The following WDR70 variants were observed in gnomAD, a reference collection of about 807,000 sequenced individuals.
WDR70 encodes WD repeat-containing protein 70.
WDR70 carries 53 observed loss-of-function variants against 88.6 expected under a neutral mutation model. The observed-to-expected ratio is 0.60, with a 90% CI of 0.48 to 0.75. The LOEUF (loss-of-function observed/expected upper bound fraction) is 0.75, where lower values mean the gene tolerates loss of function less well. WDR70 is among the 30% of genes least tolerant of loss of function. WDR70 has a pLI of 0.00. For missense variants in WDR70, 610 were observed against 823.2 expected, an observed-to-expected ratio of 0.74 and a Z score of 3.17; for synonymous variants, 280 against 270.0, an observed-to-expected ratio of 1.04 and a Z score of -0.36.
chr5:37,444,332 T>TTC (rs1394396585), intron 7 of WDR70, among the ~76,000 whole-genome samples: 3 of 81,992 alleles, frequency 3.7e-5, no homozygotes, highest in African/African-American at 6.4e-5. Flanking sequence ...GAGCCAGCCT[T>TTC]TCTCTTTTTT....
intron 5 of WDR70, among the ~76,000 whole-genome samples, chr5:37,416,240 A>G (rs1430414845): frequency 2.0e-5 from 3 of 152,226 alleles, no homozygotes; most frequent in African/African-American, 7.2e-5. Context: ...TGAGTGAACG[A>G]GACTCCGTCT....
At chr5:37,387,643 A>G (rs1157655569) in intron 3 of WDR70, among the ~76,000 whole-genome samples, 3 of 95,628 alleles carry the variant, frequency 3.1e-5, no homozygotes, top group Admixed American at 1.2e-4. Context: ...GAAGTTATTC[A>G]TAAGAGTTTT....
intron 9 of WDR70, among the ~76,000 whole-genome samples, chr5:37,525,323 A>T (rs369888686): frequency 1.3e-5 from 2 of 152,252 alleles, no homozygotes; most frequent in African/African-American, 4.8e-5. Flanking sequence ...GGATTAAGAA[A>T]CTCACTCAAA....
chr5:37,535,574 T>C (rs1224437480), intron 9 of WDR70, among the ~76,000 whole-genome samples: 1 of 152,168 alleles, frequency 6.6e-6, no homozygotes, highest in African/African-American at 2.4e-5. Context: ...CTCTTGCTCC[T>C]CTCTGGAAGT....
intron 9 of WDR70, among the ~76,000 whole-genome samples, chr5:37,598,477 C>A (rs1743766956): frequency 6.6e-6 from 1 of 152,152 alleles, no homozygotes; most frequent in Non-Finnish European, 1.5e-5. Flanking sequence ...GTCTTTTCTG[C>A]TCTTCTTCAT....
At chr5:37,523,015 A>T (rs550822614) in intron 9 of WDR70, among the ~76,000 whole-genome samples, 30 of 152,326 alleles carry the variant, frequency 2.0e-4, no homozygotes, top group Admixed American at 9.1e-4. Flanking sequence ...ACCGCAGCTC[A>T]AGGAGGCCTG....
intron 9 of WDR70, among the ~76,000 whole-genome samples, chr5:37,554,684 A>G (rs1234029890): frequency 3.3e-5 from 5 of 151,248 alleles, no homozygotes; most frequent in African/African-American, 1.2e-4. Context: ...GCACGCACAC[A>G]CACACACACA....
intron 10 of WDR70, among the ~76,000 whole-genome samples, chr5:37,675,401 A>G (rs1377764020): frequency 6.6e-6 from 1 of 151,958 alleles, no homozygotes; most frequent in Admixed American, 6.6e-5. Flanking sequence ...ATCTTGAATT[A>G]ATTTTTGTAT....
rs1259543015 is a variant in WDR70 at position 37,457,495 on chromosome 5, T to C, written c.686+14123T>C. Reference sequence around the variant, plus strand: ...GGGAGTGTAAATTGGCACTGTCTTATAGAGGGCAATTTGGCATTCTCTTCC... The same window carrying C: ...GGGAGTGTAAATTGGCACTGTCTTACAGAGGGCAATTTGGCATTCTCTTCC... On this transcript the variant is annotated intron_variant, in intron 7 of 17. Coordinates refer to ENST00000265107, the MANE Select transcript of WDR70 (RefSeq NM_018034.4). Among the ~76,000 whole-genome samples, 5 of 152,212 alleles carry C rather than the reference T, an allele frequency of 3.3e-5. No individual in the cohort carries two copies. The East Asian group carries it at 5.8e-4, about 18-fold the overall frequency.
chr5:37,482,026 C>G (rs1245175557), intron 8 of WDR70, among the ~76,000 whole-genome samples: 1 of 152,166 alleles, frequency 6.6e-6, no homozygotes, highest in East Asian at 1.9e-4. Flanking sequence ...TACTCCATTT[C>G]CCAACAAATT....
chr5:37,506,503 T>C (rs1740565769), intron 8 of WDR70: 1 of 769,544 alleles, frequency 1.3e-6, no homozygotes, highest in Admixed American at 1.7e-5. Flanking sequence ...TTCTTAAGCA[T>C]GTGGGCCAGC....
intron 9 of WDR70, among the ~76,000 whole-genome samples, chr5:37,553,306 CACGTCTGGCTCCGTTAT>C (rs1292856204): frequency 6.6e-6 from 1 of 152,148 alleles, no homozygotes. Flanking sequence ...GATTGGAACT[CACGTCTGGCTCCGTTAT>C]ACCACATTCC....
At chr5:37,401,193 T>C in intron 5 of WDR70, among the ~76,000 whole-genome samples, 1 of 105,178 alleles carries the variant, frequency 9.5e-6, no homozygotes, top group African/African-American at 3.5e-5. Flanking sequence ...TTTTTTTTAG[T>C]AGAGATGAGG....
intron 7 of WDR70, among the ~76,000 whole-genome samples, chr5:37,461,122 A>AAAAT (rs1223381903): frequency 5.3e-5 from 8 of 149,558 alleles, no homozygotes; most frequent in African/African-American, 2.0e-4. Context: ...AAAAAAAAAA[A>AAAAT]AAATAAAGGG....
intron 8 of WDR70, among the ~76,000 whole-genome samples, chr5:37,509,436 T>TA (rs55919452): frequency 0.43 from 63,139 of 148,260 alleles, 14,771 homozygotes; most frequent in Non-Finnish European, 0.54. Flanking sequence ...AAACATACTT[T>TA]AAAAAAAAAA....
At chr5:37,588,497 C>G (rs1213656532) in intron 9 of WDR70, among the ~76,000 whole-genome samples, 1 of 152,068 alleles carries the variant, frequency 6.6e-6, no homozygotes, top group Non-Finnish European at 1.5e-5. Flanking sequence ...CCCTGCCCTC[C>G]CCTTCGCTCA....
intron 17 of WDR70, among the ~76,000 whole-genome samples, chr5:37,741,405 T>C (rs79682830): frequency 0.072 from 11,026 of 152,210 alleles, 435 homozygotes; most frequent in South Asian, 0.12. Flanking sequence ...GCTAAAACTC[T>C]ATGAAACCAG....
chr5:37,696,149 C>A (rs1010827569), intron 10 of WDR70, among the ~76,000 whole-genome samples: 12 of 152,058 alleles, frequency 7.9e-5, no homozygotes, highest in African/African-American at 2.9e-4. Flanking sequence ...TTTGTGTTTT[C>A]TCTGCTTAAC....
At chr5:37,650,390 G>A (rs1349398587) in intron 10 of WDR70, among the ~76,000 whole-genome samples, 2 of 151,902 alleles carry the variant, frequency 1.3e-5, no homozygotes, top group Non-Finnish European at 2.9e-5. Flanking sequence ...GACAGAGTGA[G>A]AGTCCGTCAA....
Sources: allele counts gnomAD v4.1 joint callset (sites outside exome capture counted in the v4.1 genomes callset), GRCh38; gene constraint gnomAD v4.1.1; transcripts MANE v1.5; gene names NCBI Gene and HGNC (gene_info 2026-07-23, HGNC 2026-07-21).